TOX2: variants seen among roughly 807,000 people sequenced by gnomAD.
TOX2 encodes the protein TOX high mobility group box family member 2, also known as granulosa cell HMG box 1.
Under a neutral mutation model 47.4 loss-of-function variants are expected in TOX2, and 15 were observed. The ratio of observed to expected loss-of-function variants is 0.32; its 90% CI spans 0.21 to 0.49. The LOEUF (loss-of-function observed/expected upper bound fraction) is 0.49, where lower values mean the gene tolerates loss of function less well. Among genes scored for constraint, TOX2 ranks in the 20% least tolerant of loss-of-function variants. The pLI is 0.99. For missense variants in TOX2, 622 were observed against 673.1 expected (o/e 0.92, Z 0.84); for synonymous variants, 290 against 296.6 (o/e 0.98, Z 0.23).
rs566947257 is a variant in TOX2 at position 44,040,323 on chromosome 20, G to A, written c.412-10983G>A. Among the ~76,000 whole-genome samples the A allele has an allele frequency of 5.3e-5, 8 of 152,296 alleles. No homozygotes were observed. The South Asian group carries it at 1.2e-3, about 24-fold the overall frequency. On this transcript the variant is annotated intron_variant, in intron 3 of 8. Transcript: ENST00000341197. Reference sequence around the variant, plus strand: ...ATGTCAGAACCTTAGGAACACCAGCGTTTAGTGGGTGGGCTGAAGAAGAGC... The same window carrying A: ...ATGTCAGAACCTTAGGAACACCAGCATTTAGTGGGTGGGCTGAAGAAGAGC...
At chr20:44,056,947 T>G (rs1035003960) in intron 5 of TOX2, among the ~76,000 whole-genome samples, 2 of 152,212 alleles carry the variant, frequency 1.3e-5, no homozygotes, top group Non-Finnish European at 1.5e-5. Flanking sequence ...TGTCACTCTG[T>G]CACCCAGGCT....
intron 1 of TOX2, among the ~76,000 whole-genome samples, chr20:43,923,442 T>G (rs2069132092): frequency 6.6e-6 from 1 of 152,216 alleles, no homozygotes; most frequent in African/African-American, 2.4e-5. Flanking sequence ...AACAGACTGC[T>G]GTGTTCCACT....
At chr20:43,957,114 G>A (rs2069681147) in intron 1 of TOX2, among the ~76,000 whole-genome samples, 2 of 152,246 alleles carry the variant, frequency 1.3e-5, no homozygotes. Flanking sequence ...TTCGAGGGCT[G>A]AAGAAGTTAT....
intron 8 of TOX2, 150 bp from the exon 9 acceptor site, chr20:44,068,500 G>A: frequency 4.8e-6 from 4 of 835,850 alleles, no homozygotes; most frequent in Non-Finnish European, 7.3e-6. Flanking sequence ...GTGGGTGGGG[G>A]TGGGACTTGC....
intron 1 of TOX2, among the ~76,000 whole-genome samples, chr20:43,964,688 G>A (rs889852289): frequency 6.6e-6 from 1 of 152,086 alleles, no homozygotes; most frequent in Non-Finnish European, 1.5e-5. Flanking sequence ...GGGTGGCTTT[G>A]GACAAGTTCC....
intron 1 of TOX2, among the ~76,000 whole-genome samples, chr20:43,942,931 C>G (rs1251699868): frequency 6.6e-6 from 1 of 152,120 alleles, no homozygotes; most frequent in Non-Finnish European, 1.5e-5. Context: ...TGCAGAGGCC[C>G]TTCTTGTCTC....
At chr20:43,976,848 T>C (rs533308876) in intron 2 of TOX2, among the ~76,000 whole-genome samples, 11 of 152,204 alleles carry the variant, frequency 7.2e-5, no homozygotes, top group African/African-American at 2.6e-4. Context: ...TGTTGTCTCA[T>C]CAACTGCAAG....
At chr20:44,067,952 GC>G (rs1052865947) in intron 8 of TOX2, among the ~76,000 whole-genome samples, 3 of 152,182 alleles carry the variant, frequency 2.0e-5, no homozygotes, top group Non-Finnish European at 4.4e-5. Flanking sequence ...GCTGCCCCCA[GC>G]CCTAGCCTCG....
At chr20:43,925,228 G>A (rs547507017) in intron 1 of TOX2, among the ~76,000 whole-genome samples, 3 of 152,016 alleles carry the variant, frequency 2.0e-5, no homozygotes, top group East Asian at 3.9e-4. Context: ...GGTGATTCTC[G>A]GTTGACATTT....
At chr20:43,958,246 G>A (rs967532706) in intron 1 of TOX2, among the ~76,000 whole-genome samples, 2 of 152,134 alleles carry the variant, frequency 1.3e-5, no homozygotes, top group African/African-American at 4.8e-5. Flanking sequence ...TTCACGGAAT[G>A]TTTCACTCTC....
intron 1 of TOX2, among the ~76,000 whole-genome samples, chr20:43,923,727 T>C (rs554040311): frequency 6.6e-6 from 1 of 152,216 alleles, no homozygotes; most frequent in East Asian, 1.9e-4. Flanking sequence ...AAGTCTCACA[T>C]TGGGTTGCCT....
At chr20:44,065,563 C>G in intron 6 of TOX2, 149 bp from the exon 7 acceptor site, 2 of 891,070 alleles carry the variant, frequency 2.2e-6, no homozygotes, top group Non-Finnish European at 3.5e-6. Context: ...GACTAAGGAC[C>G]CTGTGCTATC....
chr20:44,002,580 A>C (rs1423002998), intron 2 of TOX2, among the ~76,000 whole-genome samples: 11 of 152,218 alleles, frequency 7.2e-5, no homozygotes, highest in Admixed American at 6.5e-4. Context: ...TCTGTTTTGC[A>C]TTGCTATAAA....
chr20:44,054,517 A>T lies in TOX2; in HGVS notation c.870A>T (p.Glu290Asp). 1.9e-6 allele frequency: 3 copies of T among 1,613,814 alleles called. No individual in the cohort carries two copies. Among genetic ancestry groups the T allele is most frequent in the Non-Finnish European group, 2.5e-6 (3 of 1,179,854 alleles). Reference sequence around the variant, plus strand: ...CCATGTGGGACAGCCTGGGAGAGGAACAGAAGCAGGTGAGCCTCCCTCTCT... The same window carrying T: ...CCATGTGGGACAGCCTGGGAGAGGATCAGAAGCAGGTGAGCCTCCCTCTCT... ...VASMWDSLGE[E>D]QKQAYKRKTE... Residue 290 changes from glutamate (E) to aspartate (D), a missense_variant, in exon 5 of 9, where the codon GAA (glutamate) becomes GAT (aspartate). By Grantham distance (45) the Glu-to-Asp change is conservative. This residue lies in a region of TOX2 where 294 missense variants were observed against 300.0 expected (regional missense o/e 0.98). Coordinates refer to ENST00000341197, the MANE Select transcript of TOX2 (RefSeq NM_001098797.2).
At chr20:43,990,430 C>T (rs2070349587) in intron 2 of TOX2, among the ~76,000 whole-genome samples, 1 of 152,172 alleles carries the variant, frequency 6.6e-6, no homozygotes, top group South Asian at 2.1e-4. Context: ...GCACGGGGTC[C>T]AGGCTGCAAG....
chr20:44,053,923 A>T (rs2071572055), intron 4 of TOX2, among the ~76,000 whole-genome samples: 1 of 152,204 alleles, frequency 6.6e-6, no homozygotes, highest in South Asian at 2.1e-4. Flanking sequence ...GTAGAGATGC[A>T]AATTTCTGTC....
intron 2 of TOX2, among the ~76,000 whole-genome samples, chr20:44,001,481 C>A (rs577512831): frequency 2.0e-4 from 31 of 152,268 alleles, no homozygotes; most frequent in African/African-American, 7.2e-4. Flanking sequence ...TGTTTGCGTG[C>A]TTAGTTATTT....
At chr20:43,990,378 G>A (rs1235943666) in intron 2 of TOX2, among the ~76,000 whole-genome samples, 1 of 152,186 alleles carries the variant, frequency 6.6e-6, no homozygotes, top group African/African-American at 2.4e-5. Flanking sequence ...TGAGCTCTGG[G>A]TGGCAGCCCC....
At chr20:43,920,584 C>T (rs1036676177) in intron 1 of TOX2, among the ~76,000 whole-genome samples, 1 of 152,180 alleles carries the variant, frequency 6.6e-6, no homozygotes, top group African/African-American at 2.4e-5. Context: ...TATAGCTCCT[C>T]CCCCAACCTG....
Sources: gnomAD v4.1 joint callset for allele counts (sites outside exome capture counted in the v4.1 genomes callset) on GRCh38, gnomAD v4.1.1 for gene constraint, gnomAD v4.1.1 regional missense constraint, MANE v1.5 for transcripts, NCBI Gene and HGNC (gene_info 2026-07-23, HGNC 2026-07-21) for gene names.